AK8: variants seen among roughly 807,000 people sequenced by gnomAD.
AK8 encodes ATP-AMP transphosphorylase 8.
AK8 carries 44 observed loss-of-function variants against 54.6 expected under a neutral mutation model. The observed-to-expected ratio is 0.81, with a 90% CI of 0.63 to 1.04. The LOEUF is 1.04. Among genes scored for constraint, AK8 ranks in the 50% least tolerant of loss-of-function variants. The probability of loss-of-function intolerance (pLI) is 0.00; values close to 1 mark genes in which losing one functional copy is unlikely to be tolerated. For synonymous variants in AK8, 239 were observed against 245.6 expected (o/e 0.97, Z 0.25); for missense variants, 555 against 613.6 (o/e 0.90, Z 1.01).
At chr9:132,839,235 C>T (rs950223444) in intron 5 of AK8, among the ~76,000 whole-genome samples, 3 of 152,346 alleles carry the variant, frequency 2.0e-5, no homozygotes, top group South Asian at 4.1e-4. Context: ...TGAGCCACCA[C>T]GCCCAGCTGA....
intron 5 of AK8, among the ~76,000 whole-genome samples, chr9:132,842,652 AT>A (rs547555229): frequency 9.7e-4 from 148 of 152,330 alleles, no homozygotes; most frequent in Middle Eastern, 3.4e-3. Context: ...CAATACAGTT[AT>A]TATCACATGG....
At chr9:132,736,618 T>C (rs924494157) in intron 11 of AK8, among the ~76,000 whole-genome samples, 4 of 151,104 alleles carry the variant, frequency 2.6e-5, no homozygotes, top group Non-Finnish European at 4.4e-5. Flanking sequence ...ACCCCGTCTC[T>C]ACTAAAAATA....
chr9:132,734,943 A>G (rs1837027653), intron 11 of AK8, among the ~76,000 whole-genome samples: 2 of 152,140 alleles, frequency 1.3e-5, no homozygotes, highest in South Asian at 4.2e-4. Flanking sequence ...AAGCACGAGA[A>G]TCGCTTGAAC....
chr9:132,823,434 C>G, intron 8 of AK8, 98 bp from the exon 9 acceptor site: 1 of 1,510,762 alleles, frequency 6.6e-7, no homozygotes, highest in East Asian at 2.3e-5. Context: ...GGCAGTAACT[C>G]TTTTTCTCTT....
At chr9:132,802,050 G>T (rs751382220) in intron 10 of AK8, among the ~76,000 whole-genome samples, 2 of 152,162 alleles carry the variant, frequency 1.3e-5, no homozygotes, top group African/African-American at 4.8e-5. Flanking sequence ...GCCTTTGGGC[G>T]ACTCATTTTA....
chr9:132,763,805 T>A (rs1225366051), intron 11 of AK8, among the ~76,000 whole-genome samples: 5 of 152,238 alleles, frequency 3.3e-5, no homozygotes, highest in African/African-American at 1.2e-4. Flanking sequence ...TCTGCTGAAT[T>A]TAATTTGTCT....
chr9:132,856,425 T>C (rs538287691), intron 4 of AK8, among the ~76,000 whole-genome samples: 1 of 152,350 alleles, frequency 6.6e-6, no homozygotes, highest in South Asian at 2.1e-4. Context: ...GTAATGAGAC[T>C]GCAAATGTGG....
intron 2 of AK8, among the ~76,000 whole-genome samples, chr9:132,872,310 T>C (rs1053570710): frequency 5.9e-5 from 9 of 151,962 alleles, no homozygotes; most frequent in African/African-American, 1.9e-4. Context: ...CACTCCAGCC[T>C]GAGCAACAGA....
At chr9:132,742,728 T>C (rs1223097548) in intron 11 of AK8, among the ~76,000 whole-genome samples, 1 of 152,204 alleles carries the variant, frequency 6.6e-6, no homozygotes, top group Non-Finnish European at 1.5e-5. Flanking sequence ...CTTCCCGAGA[T>C]TGCATCCTGA....
At chr9:132,840,260 G>C (rs1842483328) in intron 5 of AK8, among the ~76,000 whole-genome samples, 1 of 152,110 alleles carries the variant, frequency 6.6e-6, no homozygotes, top group Admixed American at 6.5e-5. Context: ...CACACTGAAG[G>C]TCCCTTCCCT....
chr9:132,847,940 C>T (rs570252536), intron 5 of AK8, among the ~76,000 whole-genome samples: 42 of 151,866 alleles, frequency 2.8e-4, no homozygotes, highest in Non-Finnish European at 4.9e-4. Context: ...TGGGAGACCA[C>T]GACTCTACAA....
At chr9:132,870,592 C>G (rs1016169525) in intron 2 of AK8, among the ~76,000 whole-genome samples, 1 of 152,236 alleles carries the variant, frequency 6.6e-6, no homozygotes, top group Non-Finnish European at 1.5e-5. Context: ...TCACTTTGTA[C>G]TAAATCTGCC....
At chr9:132,729,517 T>C (rs528807273) in intron 11 of AK8, among the ~76,000 whole-genome samples, 1 of 152,232 alleles carries the variant, frequency 6.6e-6, no homozygotes, top group Admixed American at 6.5e-5. Flanking sequence ...CACTAAATCA[T>C]CTGGTTCATT....
chr9:132,759,684 A>T (rs937392496), intron 11 of AK8, among the ~76,000 whole-genome samples: 3 of 152,182 alleles, frequency 2.0e-5, no homozygotes, highest in Non-Finnish European at 2.9e-5. Context: ...AGCATCATTT[A>T]TTGGAAAGTC....
At chr9:132,869,576 T>TGGGGTGGGAGCC (rs1238579157) in intron 2 of AK8, among the ~76,000 whole-genome samples, 11 of 152,124 alleles carry the variant, frequency 7.2e-5, no homozygotes, top group Non-Finnish European at 1.5e-4. Context: ...TTTCAGCTTC[T>TGGGGTGGGAGCC]GGGGTGGGAG....
At chr9:132,752,123 C>T (rs1475647756) in intron 11 of AK8, among the ~76,000 whole-genome samples, 1 of 138,516 alleles carries the variant, frequency 7.2e-6, no homozygotes, top group Non-Finnish European at 1.5e-5. Flanking sequence ...ATTATAGGTG[C>T]GAGCCACCGT....
chr9:132,728,232 G>A (rs1214618321), intron 11 of AK8, among the ~76,000 whole-genome samples: 2 of 152,216 alleles, frequency 1.3e-5, no homozygotes, highest in Admixed American at 1.3e-4. Flanking sequence ...AGGGACAGAT[G>A]CGGGACAGCA....
At chr9:132,733,244 C>T (rs1015773119) in intron 11 of AK8, among the ~76,000 whole-genome samples, 2 of 151,890 alleles carry the variant, frequency 1.3e-5, no homozygotes, top group Non-Finnish European at 1.5e-5. Context: ...CATGCGAGAT[C>T]GGGGAGTGTG....
intron 11 of AK8, among the ~76,000 whole-genome samples, chr9:132,727,987 G>A (rs1305129023): frequency 6.6e-6 from 1 of 152,176 alleles, no homozygotes; most frequent in Non-Finnish European, 1.5e-5. Flanking sequence ...TTTCCTGGGA[G>A]CTGTGAGTAA....
Sources: gnomAD v4.1 joint callset for allele counts (sites outside exome capture counted in the v4.1 genomes callset) on GRCh38, gnomAD v4.1.1 for gene constraint, MANE v1.5 for transcripts, NCBI Gene and HGNC (gene_info 2026-07-23, HGNC 2026-07-21) for gene names.